The following MRRF variants were observed in gnomAD, a reference collection of about 807,000 sequenced individuals.
MRRF encodes ribosome-recycling factor, mitochondrial.
A neutral mutation model predicts 25.1 loss-of-function variants in MRRF; 18 were observed. The ratio of observed to expected loss-of-function variants is 0.72; its 90% confidence interval spans 0.50 to 1.06. The LOEUF is 1.06. Ranked by LOEUF, MRRF falls within the 50% of genes least tolerant of loss-of-function variation. MRRF has a pLI of 0.00. For missense variants in MRRF, 323 were observed against 319.3 expected (o/e 1.01, Z -0.09); for synonymous variants, 113 against 112.1 (o/e 1.01, Z -0.05).
chr9:122,283,412 A>C (rs755096756), intron 3 of MRRF, among the ~76,000 whole-genome samples: 11 of 152,152 alleles, frequency 7.2e-5, no homozygotes, highest in Non-Finnish European at 1.3e-4. Flanking sequence ...TACAATTTTT[A>C]TGTCCCATTT....
intron 5 of MRRF, among the ~76,000 whole-genome samples, chr9:122,305,839 T>G (rs2118911573): frequency 6.6e-6 from 1 of 152,322 alleles, no homozygotes; most frequent in South Asian, 2.1e-4. Context: ...TTTTGTTCAT[T>G]GCTGTATTCC....
intron 6 of MRRF, among the ~76,000 whole-genome samples, chr9:122,313,905 T>C (rs935515270): frequency 6.6e-6 from 1 of 152,132 alleles, no homozygotes; most frequent in African/African-American, 2.4e-5. Flanking sequence ...AGTGTAACCA[T>C]ATGTACAAAG....
At chr9:122,269,570 CAA>C (rs779449206) in intron 1 of MRRF, among the ~76,000 whole-genome samples, 1 of 151,630 alleles carries the variant, frequency 6.6e-6, no homozygotes, top group South Asian at 2.1e-4. Flanking sequence ...ACTAAAAATA[CAA>C]AAAAATTCGC....
intron 2 of MRRF, among the ~76,000 whole-genome samples, chr9:122,272,927 C>A (rs556863149): frequency 6.6e-6 from 1 of 152,178 alleles, no homozygotes; most frequent in Admixed American, 6.5e-5. Context: ...TAATGCCCCG[C>A]CCCATTGTGT....
chr9:122,320,110 G>C (rs1375485997), intron 6 of MRRF, among the ~76,000 whole-genome samples: 1 of 151,970 alleles, frequency 6.6e-6, no homozygotes, highest in African/African-American at 2.4e-5. Flanking sequence ...CTCGACTCAA[G>C]TGATCCTCCC....
In MRRF at chr9:122,313,350, A is replaced by T. The variant is rs147364697; in HGVS notation, c.675A>T (p.Thr225=). The change falls in exon 6 of 7, where the codon ACA becomes ACT. Residue 225 remains threonine, a synonymous_variant. Coordinates refer to ENST00000344641, the MANE Select transcript of MRRF (RefSeq NM_138777.5). ...SMNKLKKSKD[T]VSEDTIRLIE... ...ACAAGCTGAAGAAATCCAAGGATAC[A>T]GTCTCAGAGGACACCATTAGGCTAA... 1,164 of 1,614,132 alleles carry T rather than the reference A, an allele frequency of 7.2e-4. 9 individuals are homozygous for T. The African/African-American group carries it at 0.013, about 18-fold the overall frequency.
At chr9:122,276,955 G>T (rs1048506094) in intron 2 of MRRF, among the ~76,000 whole-genome samples, 1 of 152,096 alleles carries the variant, frequency 6.6e-6, no homozygotes, top group East Asian at 1.9e-4. Flanking sequence ...TAATCTTCTG[G>T]GCTCAACTGA....
At chr9:122,278,200 G>T (rs1832893981) in intron 2 of MRRF, among the ~76,000 whole-genome samples, 1 of 147,946 alleles carries the variant, frequency 6.8e-6, no homozygotes, top group Non-Finnish European at 1.5e-5. Context: ...TTATTGTTTT[G>T]ATGGTTACCC....
intron 3 of MRRF, among the ~76,000 whole-genome samples, chr9:122,284,709 G>C (rs1437050357): frequency 1.3e-5 from 2 of 152,146 alleles, no homozygotes; most frequent in Non-Finnish European, 2.9e-5. Context: ...TTTCTATCAC[G>C]ATACTGCTGT....
chr9:122,296,588 C>T (rs1235114213), intron 5 of MRRF, among the ~76,000 whole-genome samples: 1 of 152,186 alleles, frequency 6.6e-6, no homozygotes, highest in Non-Finnish European at 1.5e-5. Context: ...GTCTTTGTCA[C>T]TGCCTTTCTT....
intron 1 of MRRF, chr9:122,265,641 C>T (rs980635244): frequency 1.7e-6 from 1 of 600,824 alleles, no homozygotes; most frequent in South Asian, 1.5e-5. Flanking sequence ...TGATCTGACC[C>T]CTTCATTTTA....
At chr9:122,315,599 T>C (rs1835465310) in intron 6 of MRRF, among the ~76,000 whole-genome samples, 1 of 152,196 alleles carries the variant, frequency 6.6e-6, no homozygotes, top group Admixed American at 6.5e-5. Flanking sequence ...CTTCCCTGTA[T>C]CAGCTAAAAG....
At chr9:122,311,962 T>C (rs972260778) in intron 5 of MRRF, among the ~76,000 whole-genome samples, 1 of 152,210 alleles carries the variant, frequency 6.6e-6, no homozygotes, top group Admixed American at 6.5e-5. Flanking sequence ...ATGATTTTTG[T>C]TCAATGAATT....
At chr9:122,273,392 T>C (rs1402353071) in intron 2 of MRRF, among the ~76,000 whole-genome samples, 2 of 145,198 alleles carry the variant, frequency 1.4e-5, no homozygotes, top group Non-Finnish European at 3.0e-5. Flanking sequence ...CAGTGAGCCA[T>C]GATGATGCCA....
At chr9:122,304,516 GC>G in intron 5 of MRRF, among the ~76,000 whole-genome samples, 1 of 152,176 alleles carries the variant, frequency 6.6e-6, no homozygotes, top group Non-Finnish European at 1.5e-5. Context: ...AGAGCAAGTT[GC>G]CACCAACACT....
chr9:122,321,774 G>A (rs1349881047), intron 6 of MRRF, among the ~76,000 whole-genome samples: 1 of 151,148 alleles, frequency 6.6e-6, no homozygotes, highest in Non-Finnish European at 1.5e-5. Flanking sequence ...TAACTATTGG[G>A]ATCTTAATAT....
intron 1 of MRRF, chr9:122,265,733 A>C: frequency 7.8e-7 from 1 of 1,288,002 alleles, no homozygotes; most frequent in South Asian, 1.2e-5. Flanking sequence ...ATGCTTTTTG[A>C]ATACGTGTGA....
intron 5 of MRRF, among the ~76,000 whole-genome samples, chr9:122,307,981 G>A (rs1834961936): frequency 6.6e-6 from 1 of 152,182 alleles, no homozygotes; most frequent in African/African-American, 2.4e-5. Context: ...TTCAGTCAGT[G>A]GGATTCTCTG....
At chr9:122,312,663 T>G (rs1323481519) in intron 5 of MRRF, among the ~76,000 whole-genome samples, 1 of 152,180 alleles carries the variant, frequency 6.6e-6, no homozygotes, top group Admixed American at 6.5e-5. Flanking sequence ...TTTGACTGGG[T>G]CTGACTTTGT....
Sources: gnomAD v4.1 joint callset for allele counts (sites outside exome capture counted in the v4.1 genomes callset) on GRCh38, gnomAD v4.1.1 for gene constraint, MANE v1.5 for transcripts, NCBI Gene and HGNC (gene_info 2026-07-23, HGNC 2026-07-21) for gene names.